PRSS3: variants seen among roughly 807,000 people sequenced by gnomAD.
PRSS3 encodes the protein serine protease 3.
PRSS3 carries 14 observed loss-of-function variants against 20.8 expected under a neutral mutation model. The observed-to-expected ratio is 0.67, with a 90% CI of 0.44 to 1.05. The LOEUF is 1.05. Ranked by LOEUF, PRSS3 falls within the 50% of genes least tolerant of loss-of-function variation. PRSS3 has a pLI of 0.00. For missense variants in PRSS3, 237 were observed against 306.4 expected (o/e 0.77, Z 1.69); for synonymous variants, 91 against 117.6 (o/e 0.77, Z 1.46).
chr9:33,785,319 A>T (rs1365556642), intron 1 of PRSS3, among the ~76,000 whole-genome samples: 1 of 149,412 alleles, frequency 6.7e-6, no homozygotes, highest in Non-Finnish European at 1.5e-5. Flanking sequence ...CTGGGACTAC[A>T]GGCGCCCGCC....
At position 33,798,615 on chromosome 9, in the gene PRSS3, C is replaced by A; in HGVS notation, c.584C>A (p.Ser195Tyr). The A allele has an allele frequency of 6.2e-7, 1 of 1,614,086 alleles. No homozygotes were observed. The highest frequency in any genetic ancestry group is 8.5e-7 in the Non-Finnish European group (1 of 1,179,994). ...CVGFLEGGKD[S>Y]CQRDSGGPVV... Reference sequence around the variant, plus strand: ...GGCTTCCTTGAGGGAGGCAAGGATTCCTGCCAGGTGATTTGACCCTTTCCC... The same window carrying A: ...GGCTTCCTTGAGGGAGGCAAGGATTACTGCCAGGTGATTTGACCCTTTCCC... The change falls in exon 4 of 5, where the codon TCC becomes TAC. Residue 195 changes from serine to tyrosine, a missense_variant. Physicochemically the swap from Ser to Tyr is moderately radical, Grantham distance 144. Transcript: ENST00000379405.
intron 1 of PRSS3, among the ~76,000 whole-genome samples, chr9:33,789,730 T>C (rs1466868316): frequency 6.6e-6 from 1 of 152,210 alleles, no homozygotes; most frequent in African/African-American, 2.4e-5. Flanking sequence ...TTGACAAATT[T>C]ACCTACAGTG....
chr9:33,783,108 CTT>C (rs1824248450), intron 1 of PRSS3, among the ~76,000 whole-genome samples: 2 of 152,172 alleles, frequency 1.3e-5, no homozygotes, highest in South Asian at 4.1e-4. Flanking sequence ...GTGAAAGAAA[CTT>C]TGCATAGAAG....
At chr9:33,767,652 C>T (rs1587376499) in intron 1 of PRSS3, among the ~76,000 whole-genome samples, 1 of 152,140 alleles carries the variant, frequency 6.6e-6, no homozygotes, top group East Asian at 1.9e-4. Context: ...GGTGAAACCC[C>T]GTCTCTACTA....
Position 33,786,334 on chromosome 9 carries a change from C to G in PRSS3, c.-52-8412C>G, listed in dbSNP as rs111549205. ...TGGAAAGACTTCCTCTCCGGAGAGT[C>G]TGAAGCCACCAGACAGAAGATGAAG... On this transcript the variant is annotated intron_variant, in intron 1 of 5. Transcript: ENST00000342836. 757 of 589,018 alleles carry G rather than the reference C, an allele frequency of 1.3e-3. 7 individuals are homozygous for G. The highest frequency in any genetic ancestry group is 0.013 in the African/African-American group (681 of 53,730). The allele number at this position is 589,018 out of a possible 1,614,324, so 36.5% of individuals were successfully genotyped here. A position where few individuals can be genotyped will look rare whatever the true frequency, so the allele number is the denominator to read the frequency against.
rs1191382181 is a variant in PRSS3 at position 33,750,703 on chromosome 9, G to C, written c.-77G>C. 2.1e-6 allele frequency: 3 copies of C among 1,448,566 alleles called. No individual in the cohort carries two copies. The East Asian group carries it at 7.8e-5, about 38-fold the overall frequency. The allele number at this position is 1,448,566 out of a possible 1,614,324, so 89.7% of individuals were successfully genotyped here. On this transcript the variant is annotated 5_prime_UTR_variant, in exon 1 of 6. Transcript: ENST00000342836. This position sits in a 1 kb window ranked among gnomAD's most constrained non-coding sequence, Gnocchi z 4.8. ...CACTTGGCGAGCGGCGCGGGATGCAGACGGCTGCGAGGCGCTGGGCACAGG... is the reference window on the plus strand; with the variant it reads ...CACTTGGCGAGCGGCGCGGGATGCACACGGCTGCGAGGCGCTGGGCACAGG...
At chr9:33,756,465 G>A (rs1000566988) in intron 1 of PRSS3, among the ~76,000 whole-genome samples, 17 of 151,898 alleles carry the variant, frequency 1.1e-4, no homozygotes, top group African/African-American at 3.1e-4. Flanking sequence ...TACATTCTTC[G>A]GTTCTGAGTG....
chr9:33,795,878 A>G lies in PRSS3; in HGVS notation c.40+265A>G, dbSNP rs968980880. Among the ~76,000 whole-genome samples the G allele has an allele frequency of 3.9e-5, 6 of 152,370 alleles. No homozygotes were observed. In the Middle Eastern group the frequency reaches 0.01, roughly 259 times the overall value. ...AAGGGAGACCAGGTGGGGCTGGCCCATGAAATGAAGTGGCAGGCTTCAGGC... is the reference window on the plus strand; with the variant it reads ...AAGGGAGACCAGGTGGGGCTGGCCCGTGAAATGAAGTGGCAGGCTTCAGGC... On this transcript the variant is annotated intron_variant, in intron 1 of 4. Coordinates refer to ENST00000379405, the MANE Select transcript of PRSS3 (RefSeq NM_002771.4).
intron 1 of PRSS3, among the ~76,000 whole-genome samples, chr9:33,772,843 G>A (rs989487136): frequency 6.6e-6 from 1 of 152,158 alleles, no homozygotes; most frequent in African/African-American, 2.4e-5. Context: ...ACCTGTGGGA[G>A]CAACGTAATG....
At chr9:33,788,872 C>T (rs1160908672) in intron 1 of PRSS3, among the ~76,000 whole-genome samples, 1 of 152,144 alleles carries the variant, frequency 6.6e-6, no homozygotes, top group African/African-American at 2.4e-5. Flanking sequence ...ATGCTACAAT[C>T]TGGGTAATTT....
chr9:33,752,465 T>A (rs1309037779), intron 1 of PRSS3, among the ~76,000 whole-genome samples: 1 of 152,230 alleles, frequency 6.6e-6, no homozygotes, highest in Admixed American at 6.5e-5. Flanking sequence ...CATTTTATTG[T>A]AAGAGAATTA....
intron 1 of PRSS3, among the ~76,000 whole-genome samples, chr9:33,780,632 C>T (rs895143447): frequency 2.0e-5 from 3 of 152,094 alleles, no homozygotes; most frequent in African/African-American, 7.2e-5. Flanking sequence ...AACACAAGAC[C>T]CAACCATCAC....
Position 33,750,895 on chromosome 9 carries a change from G to T in PRSS3, c.-53+168G>T, listed in dbSNP as rs571632542. On this transcript the variant is annotated intron_variant, in intron 1 of 5. Transcript: ENST00000342836. The surrounding 1 kb of genome is among the most constrained non-coding windows in gnomAD (Gnocchi z 4.8). ...GGATACCGACTGGGAGGGGCTCAGG[G>T]ACAGGGATGGAGGCTCCTCTAGGGG... 6 of 1,355,932 alleles carry T rather than the reference G, an allele frequency of 4.4e-6. No homozygotes were observed. The African/African-American group carries it at 9.2e-5, about 21-fold the overall frequency. The allele number at this position is 1,355,932 out of a possible 1,614,324, so 84.0% of individuals were successfully genotyped here. A position where few individuals can be genotyped will look rare whatever the true frequency, so the allele number is the denominator to read the frequency against.
chr9:33,788,039 C>G (rs1309601366), intron 1 of PRSS3, among the ~76,000 whole-genome samples: 1 of 152,142 alleles, frequency 6.6e-6, no homozygotes, highest in Non-Finnish European at 1.5e-5. Flanking sequence ...AGCAGCCACC[C>G]TGGGTTTTAT....
chr9:33,750,682 T>A, upstream of PRSS3: 1 of 1,452,682 alleles, frequency 6.9e-7, no homozygotes, highest in Non-Finnish European at 9.0e-7. This position sits in a 1 kb window ranked among gnomAD's most constrained non-coding sequence, Gnocchi z 4.8. Flanking sequence ...TGGACGCACT[T>A]GGCGAGCGGC....
intron 1 of PRSS3, among the ~76,000 whole-genome samples, chr9:33,796,296 G>C (rs954159466): frequency 7.7e-5 from 10 of 129,996 alleles, no homozygotes; most frequent in Non-Finnish European, 1.7e-4. Context: ...AATAGCCAGG[G>C]CAAGTACACA....
At chr9:33,759,364 C>G (rs1361993216) in intron 1 of PRSS3, among the ~76,000 whole-genome samples, 1 of 152,008 alleles carries the variant, frequency 6.6e-6, no homozygotes, top group Non-Finnish European at 1.5e-5. Flanking sequence ...CTAGAGGCCT[C>G]ACAGTGTTTA....
intron 1 of PRSS3, among the ~76,000 whole-genome samples, chr9:33,754,252 A>C (rs1433942700): frequency 6.6e-6 from 1 of 151,894 alleles, no homozygotes; most frequent in Admixed American, 6.6e-5. Context: ...TTGTATTTTT[A>C]GTAGAGACGG....
chr9:33,785,160 A>ATTTTTTTTTTTT lies in PRSS3; in HGVS notation c.-52-9562_-52-9551dup, dbSNP rs74180504. On this transcript the variant is annotated intron_variant, in intron 1 of 5. Transcript: ENST00000342836. ...GAAAAAGATCATAGCATTGTGGTCAATTTTTTTTTTTTTTTTTTTTTTTTT... is the reference window on the plus strand; with the variant it reads ...GAAAAAGATCATAGCATTGTGGTCAATTTTTTTTTTTTTTTTTTTTTTTTTTTTTTTTTTTTT... 4.1e-3 allele frequency among the ~76,000 whole-genome samples: 298 copies of ATTTTTTTTTTTT among 72,456 alleles called. 29 individuals carry two copies. The highest frequency in any genetic ancestry group is 6.8e-3 in the African/African-American group (90 of 13,320). 47.5% of individuals were successfully genotyped at this position (72,456 alleles called of 152,430 possible).
Sources: gnomAD v4.1 joint callset for allele counts (sites outside exome capture counted in the v4.1 genomes callset) on GRCh38, gnomAD v4.1.1 for gene constraint, Gnocchi (gnomAD v3.1) non-coding constraint, MANE v1.5 for transcripts, NCBI Gene and HGNC (gene_info 2026-07-23, HGNC 2026-07-21) for gene names.